The following FAM83B variants were observed in gnomAD, a reference collection of about 807,000 sequenced individuals.
FAM83B encodes scaffolding CK1 anchoring protein B.
In FAM83B, 26 loss-of-function variants were observed where a neutral mutation model predicts 38.8. The ratio of observed to expected loss-of-function variants is 0.67; its 90% CI spans 0.49 to 0.93. FAM83B has a LOEUF of 0.93. Among genes scored for constraint, FAM83B ranks in the 40% least tolerant of loss-of-function variants. The pLI, the probability that FAM83B is intolerant of heterozygous loss-of-function variation, is 0.00. For synonymous variants in FAM83B, 419 were observed against 423.1 expected, an observed-to-expected ratio of 0.99 and a Z score of 0.12; for missense variants, 1,237 against 1,197.3, an observed-to-expected ratio of 1.03 and a Z score of -0.49.
In FAM83B at chr6:54,924,211, A is replaced by G. The variant is rs1039385708; in HGVS notation, c.445-2160A>G. ...TATACACACACACACACACACACACACACACGCACACACCACATTTTCTTT... is the reference window on the plus strand; with the variant it reads ...TATACACACACACACACACACACACGCACACGCACACACCACATTTTCTTT... On this transcript the variant is annotated intron_variant, in intron 2 of 4. Coordinates refer to ENST00000306858, the MANE Select transcript of FAM83B (RefSeq NM_001010872.3). 4.1e-4 allele frequency among the ~76,000 whole-genome samples: 62 copies of G among 151,316 alleles called. No homozygotes were observed. The East Asian group carries it at 0.012, about 29-fold the overall frequency.
intron 1 of FAM83B, among the ~76,000 whole-genome samples, chr6:54,854,940 C>T (rs535873610): frequency 3.3e-5 from 5 of 152,132 alleles, no homozygotes; most frequent in African/African-American, 7.2e-5. Context: ...CAATGGAACA[C>T]GTGTGCAATG....
chr6:54,903,033 A>G (rs1194808238), intron 2 of FAM83B, among the ~76,000 whole-genome samples: 1 of 152,240 alleles, frequency 6.6e-6, no homozygotes, highest in Admixed American at 6.5e-5. Flanking sequence ...AGATATGTAG[A>G]AAATAATAAA....
At chr6:54,910,381 C>A (rs550895781) in intron 2 of FAM83B, among the ~76,000 whole-genome samples, 1 of 152,162 alleles carries the variant, frequency 6.6e-6, no homozygotes, top group African/African-American at 2.4e-5. Context: ...GTTCTACATC[C>A]TTTAGCGTGC....
Position 54,910,388 on chromosome 6 carries a change from G to A in FAM83B, c.445-15983G>A, listed in dbSNP as rs141579569. Among the ~76,000 whole-genome samples, 40 of 152,140 alleles carry A rather than the reference G, an allele frequency of 2.6e-4. 1 individual carries two copies. Among genetic ancestry groups the A allele is most frequent in the African/African-American group, 9.4e-4 (39 of 41,504 alleles). On this transcript the variant is annotated intron_variant, in intron 2 of 4. Coordinates refer to ENST00000306858, the MANE Select transcript of FAM83B (RefSeq NM_001010872.3). ...AATTCATTGTTCTACATCCTTTAGC[G>A]TGCTATTTTCTGTTCCCGCCTCTAC...
At chr6:54,898,805 C>T (rs950313426) in intron 2 of FAM83B, among the ~76,000 whole-genome samples, 13 of 152,158 alleles carry the variant, frequency 8.5e-5, no homozygotes, top group South Asian at 2.1e-4. Context: ...CGCAGTGCCA[C>T]ATGCTCTACT....
chr6:54,864,869 A>C (rs1042048663), intron 1 of FAM83B, among the ~76,000 whole-genome samples: 2 of 152,204 alleles, frequency 1.3e-5, no homozygotes, highest in Admixed American at 6.5e-5. Flanking sequence ...CATAAAGTCA[A>C]TTACCAAAAG....
At chr6:54,846,950 G>C (rs1002598000) in intron 1 of FAM83B, 124 bp downstream of exon 1, 1 of 152,570 alleles carries the variant, frequency 6.6e-6, no homozygotes, top group East Asian at 1.9e-4. Context: ...CGGCGCGGCG[G>C]ACGGGAGGGA....
At chr6:54,935,407 G>A (rs1190263896) in intron 4 of FAM83B, among the ~76,000 whole-genome samples, 2 of 152,120 alleles carry the variant, frequency 1.3e-5, no homozygotes, top group Non-Finnish European at 2.9e-5. Context: ...ACTTTGAATA[G>A]AGTGATCATA....
chr6:54,925,139 A>G (rs976707243), intron 2 of FAM83B, among the ~76,000 whole-genome samples: 7 of 152,174 alleles, frequency 4.6e-5, no homozygotes, highest in African/African-American at 1.7e-4. Context: ...TCTTGAAGAT[A>G]TCAATGTGGA....
chr6:54,936,620 A>T (rs1581932716), intron 4 of FAM83B, among the ~76,000 whole-genome samples: 1 of 151,318 alleles, frequency 6.6e-6, no homozygotes, highest in Non-Finnish European at 1.5e-5. Context: ...TCTTTGCTCC[A>T]GCTATATATA....
At chr6:54,927,869 A>T (rs1773338562) in intron 4 of FAM83B, among the ~76,000 whole-genome samples, 1 of 152,128 alleles carries the variant, frequency 6.6e-6, no homozygotes, top group East Asian at 1.9e-4. Context: ...TTGTTCATCC[A>T]GAACATGAAG....
chr6:54,883,005 G>A (rs539546526), intron 2 of FAM83B, among the ~76,000 whole-genome samples: 173 of 152,136 alleles, frequency 1.1e-3, no homozygotes, highest in African/African-American at 3.7e-3. Flanking sequence ...GTGCAGTGGC[G>A]CGATCTCAGC....
chr6:54,887,798 AAC>A (rs904135776), intron 2 of FAM83B, among the ~76,000 whole-genome samples: 15 of 151,136 alleles, frequency 9.9e-5, no homozygotes, highest in Admixed American at 2.0e-4. Flanking sequence ...TGTCTTTGTA[AAC>A]ACACACACAC....
rs565574924 is a variant in FAM83B at position 54,881,651 on chromosome 6, A to G, written c.444+10961A>G. Among the ~76,000 whole-genome samples, 156 of 152,314 alleles carry G rather than the reference A, an allele frequency of 1.0e-3. No individual in the cohort carries two copies. In the Middle Eastern group the frequency reaches 0.02, roughly 20 times the overall value. On this transcript the variant is annotated intron_variant, in intron 2 of 4. Coordinates refer to ENST00000306858, the MANE Select transcript of FAM83B (RefSeq NM_001010872.3). ...AAAATAAAATCTGAGGTTTGTGATC[A>G]TGTAGTCTTTTTACAATTGGGCAAT...
chr6:54,893,832 C>T (rs1772458951), intron 2 of FAM83B, among the ~76,000 whole-genome samples: 1 of 152,058 alleles, frequency 6.6e-6, no homozygotes, highest in Non-Finnish European at 1.5e-5. Context: ...ATAAAAGGGG[C>T]CTCCAATGAG....
chr6:54,879,499 A>C (rs2127577451), intron 2 of FAM83B, among the ~76,000 whole-genome samples: 1 of 152,302 alleles, frequency 6.6e-6, no homozygotes, highest in South Asian at 2.1e-4. Flanking sequence ...GGAAGGGGTC[A>C]CGTAGGAGGT....
At chr6:54,901,806 T>G (rs1772667447) in intron 2 of FAM83B, among the ~76,000 whole-genome samples, 1 of 152,084 alleles carries the variant, frequency 6.6e-6, no homozygotes, top group South Asian at 2.1e-4. Context: ...CTCTGACAGG[T>G]TGATGTTATT....
At chr6:54,904,816 C>T (rs1581913333) in intron 2 of FAM83B, among the ~76,000 whole-genome samples, 1 of 152,026 alleles carries the variant, frequency 6.6e-6, no homozygotes, top group Non-Finnish European at 1.5e-5. Context: ...GCAAATACTA[C>T]CAGCTTTGTG....
intron 2 of FAM83B, among the ~76,000 whole-genome samples, chr6:54,884,299 T>TAAAAAAAAAAAAAAAAAAAAA (rs70983475): frequency 1.2e-5 from 1 of 82,296 alleles, no homozygotes; most frequent in Admixed American, 1.7e-4. Context: ...AGACCCCGTC[T>TAAAAAAAAAAAAAAAAAAAAA]AAAAAAAAAA....
Sources: allele counts gnomAD v4.1 joint callset (sites outside exome capture counted in the v4.1 genomes callset), GRCh38; gene constraint gnomAD v4.1.1; transcripts MANE v1.5; gene names NCBI Gene and HGNC (gene_info 2026-07-23, HGNC 2026-07-21).